The following SGCD variants were observed in gnomAD, a reference collection of about 807,000 sequenced individuals.
The protein encoded by SGCD is sarcoglycan delta, also known as delta-sarcoglycan.
Under a neutral mutation model 36.6 loss-of-function variants are expected in SGCD, and 18 were observed. The ratio of observed to expected loss-of-function variants is 0.49; its 90% confidence interval spans 0.34 to 0.73. The LOEUF (loss-of-function observed/expected upper bound fraction) is 0.73, where lower values mean the gene tolerates loss of function less well. Ranked by LOEUF, SGCD falls within the 30% of genes least tolerant of loss-of-function variation. The pLI, the probability that SGCD is intolerant of heterozygous loss-of-function variation, is 0.01. For missense variants in SGCD, 387 were observed against 346.7 expected, an observed-to-expected ratio of 1.12 and a Z score of -0.92; for synonymous variants, 133 against 130.6, an observed-to-expected ratio of 1.02 and a Z score of -0.12.
chr5:156,432,354 T>G (rs568546673), intron 3 of SGCD, among the ~76,000 whole-genome samples: 49 of 152,320 alleles, frequency 3.2e-4, no homozygotes, highest in African/African-American at 1.1e-3. Flanking sequence ...GAGCAGTATT[T>G]CTTTGTCATG....
intron 2 of SGCD, among the ~76,000 whole-genome samples, chr5:156,334,062 A>G (rs1007743992): frequency 2.2e-4 from 34 of 151,824 alleles, no homozygotes; most frequent in African/African-American, 7.7e-4. Context: ...TATATTGTCC[A>G]TGTTCCCTTT....
At chr5:155,794,415 G>T in the SGCD span, among the ~76,000 whole-genome samples, 1 of 152,078 alleles carries the variant, frequency 6.6e-6, no homozygotes, top group Non-Finnish European at 1.5e-5. Flanking sequence ...AAATGACTAC[G>T]ATTTGTGCAT....
intron 1 of SGCD, among the ~76,000 whole-genome samples, chr5:156,035,285 G>C (rs920102302): frequency 6.6e-6 from 1 of 152,114 alleles, no homozygotes; most frequent in Non-Finnish European, 1.5e-5. Context: ...CCTTAACAGA[G>C]TGGTTAAAAC....
chr5:156,148,257 C>T (rs755753128), intron 3 of SGCD, among the ~76,000 whole-genome samples: 7 of 152,058 alleles, frequency 4.6e-5, no homozygotes, highest in Non-Finnish European at 1.0e-4. Context: ...AGATATATTA[C>T]CCAAATATAT....
At chr5:156,242,109 T>C (rs963330830) in intron 3 of SGCD, among the ~76,000 whole-genome samples, 1 of 152,198 alleles carries the variant, frequency 6.6e-6, no homozygotes, top group Admixed American at 6.5e-5. Context: ...ACACAATCCA[T>C]ATGTCCTTCA....
At chr5:156,362,719 G>A (rs1042926480) in intron 3 of SGCD, among the ~76,000 whole-genome samples, 2 of 152,112 alleles carry the variant, frequency 1.3e-5, no homozygotes, top group Non-Finnish European at 2.9e-5. Context: ...CTCTGGGATG[G>A]ACCACTATGG....
intron 3 of SGCD, among the ~76,000 whole-genome samples, chr5:156,269,507 A>G (rs1047080917): frequency 9.1e-5 from 13 of 142,586 alleles, no homozygotes; most frequent in Non-Finnish European, 1.5e-4. Flanking sequence ...AAAAAAAAAA[A>G]AAACCATCAG....
the SGCD span, among the ~76,000 whole-genome samples, chr5:155,744,139 A>G: frequency 6.6e-6 from 1 of 152,232 alleles, no homozygotes; most frequent in Non-Finnish European, 1.5e-5. Flanking sequence ...TAGAGTTATC[A>G]GAGAATATGA....
chr5:155,732,863 T>G, the SGCD span, among the ~76,000 whole-genome samples: 1 of 152,182 alleles, frequency 6.6e-6, no homozygotes, highest in Non-Finnish European at 1.5e-5. Flanking sequence ...TCTGAGTCCC[T>G]CCTGCTTCCA....
At chr5:155,922,423 G>A (rs550167791) in intron 1 of SGCD, among the ~76,000 whole-genome samples, 2 of 152,230 alleles carry the variant, frequency 1.3e-5, no homozygotes, top group Admixed American at 1.3e-4. Flanking sequence ...AACTGGGTGA[G>A]CAAAACCCTG....
chr5:155,893,640 C>T (rs2113322366), intron 1 of SGCD, among the ~76,000 whole-genome samples: 1 of 152,286 alleles, frequency 6.6e-6, no homozygotes, highest in South Asian at 2.1e-4. Flanking sequence ...GGGCACTTAC[C>T]TGACATCTTT....
intron 1 of SGCD, among the ~76,000 whole-genome samples, chr5:156,112,406 T>C (rs999786017): frequency 2.0e-5 from 3 of 152,236 alleles, no homozygotes; most frequent in East Asian, 1.9e-4. Context: ...ATGTAATTCA[T>C]AGGACTCTGT....
At chr5:156,397,229 T>C (rs1771904488) in intron 3 of SGCD, among the ~76,000 whole-genome samples, 1 of 152,214 alleles carries the variant, frequency 6.6e-6, no homozygotes, top group Non-Finnish European at 1.5e-5. Flanking sequence ...TTTTTTTTTC[T>C]AGTTTATGTT....
intron 1 of SGCD, among the ~76,000 whole-genome samples, chr5:156,116,860 CTT>C (rs1761917490): frequency 6.6e-6 from 1 of 152,046 alleles, no homozygotes; most frequent in Non-Finnish European, 1.5e-5. Context: ...TTCTGAGACT[CTT>C]CTTTTTGAGT....
At chr5:156,038,317 A>T (rs1295720008) in intron 1 of SGCD, among the ~76,000 whole-genome samples, 1 of 152,170 alleles carries the variant, frequency 6.6e-6, no homozygotes, top group African/African-American at 2.4e-5. Context: ...AGACTGTCAT[A>T]GATTGAGGGA....
At chr5:156,080,786 A>G (rs868636196) in intron 1 of SGCD, among the ~76,000 whole-genome samples, 1 of 152,182 alleles carries the variant, frequency 6.6e-6, no homozygotes, top group Non-Finnish European at 1.5e-5. Flanking sequence ...GTCGATATTT[A>G]TATCAATATT....
At chr5:155,785,093 C>T in the SGCD span, among the ~76,000 whole-genome samples, 5 of 151,902 alleles carry the variant, frequency 3.3e-5, no homozygotes, top group East Asian at 5.8e-4. Flanking sequence ...TGTAATAGCA[C>T]GGTGTTCATA....
chr5:156,256,440 C>T (rs1313212939), intron 3 of SGCD, among the ~76,000 whole-genome samples: 2 of 152,168 alleles, frequency 1.3e-5, no homozygotes, highest in African/African-American at 4.8e-5. Flanking sequence ...TACTCATTTA[C>T]GTAGTTCTCC....
At chr5:156,434,307 T>A (rs10065252) in intron 3 of SGCD, among the ~76,000 whole-genome samples, 3,440 of 152,240 alleles carry the variant, frequency 0.023, 140 homozygotes, top group African/African-American at 0.078. Context: ...AAGATACACT[T>A]TTCTGAACAG....
Sources: allele counts gnomAD v4.1 joint callset (sites outside exome capture counted in the v4.1 genomes callset), GRCh38; gene constraint gnomAD v4.1.1; transcripts MANE v1.5; gene names NCBI Gene and HGNC (gene_info 2026-07-23, HGNC 2026-07-21).